Variants in CSMD1 observed in about 807,000 individuals in gnomAD.
The protein encoded by CSMD1 is CUB and Sushi multiple domains 1.
In CSMD1, 213 loss-of-function variants were observed where a neutral mutation model predicts 417.5. The ratio of observed to expected loss-of-function variants is 0.51; its 90% CI spans 0.46 to 0.57. The LOEUF is 0.57. Ranked by LOEUF, CSMD1 falls within the 20% of genes least tolerant of loss-of-function variation. CSMD1 has a pLI of 0.00. For synonymous variants in CSMD1, 2,862 were observed against 1,736.8 expected (o/e 1.65, Z -16.11); for missense variants, 6,923 against 4,529.7 (o/e 1.53, Z -15.17).
chr8:2,980,839 C>G (rs1357591614), intron 54 of CSMD1, among the ~76,000 whole-genome samples: 1 of 152,194 alleles, frequency 6.6e-6, no homozygotes, highest in African/African-American at 2.4e-5. Flanking sequence ...AAATGCTAAG[C>G]CCTAAGTTCC....
intron 1 of CSMD1, among the ~76,000 whole-genome samples, chr8:4,714,996 T>C (rs1473897186): frequency 6.6e-6 from 1 of 152,218 alleles, no homozygotes; most frequent in African/African-American, 2.4e-5. Context: ...TGCTCACAGA[T>C]GGCAATAATT....
intron 7 of CSMD1, among the ~76,000 whole-genome samples, chr8:3,636,842 G>A (rs184769205): frequency 2.8e-4 from 42 of 152,244 alleles, no homozygotes; most frequent in African/African-American, 7.7e-4. Context: ...GAGTTTAAAT[G>A]TCCCTTCCAA....
intron 26 of CSMD1, 42 bp downstream of exon 26, chr8:3,284,102 C>G (rs147799365): frequency 8.3e-6 from 12 of 1,437,618 alleles, no homozygotes; most frequent in East Asian, 2.5e-5. Flanking sequence ...CATGACAAGA[C>G]TTTGATATCA....
chr8:3,341,791 TTTTC>T (rs1807674621), intron 23 of CSMD1, among the ~76,000 whole-genome samples: 1 of 152,204 alleles, frequency 6.6e-6, no homozygotes, highest in Admixed American at 6.5e-5. Flanking sequence ...ACCCACAGGC[TTTTC>T]AAACAGTTTT....
intron 7 of CSMD1, among the ~76,000 whole-genome samples, chr8:3,627,106 T>C (rs942006323): frequency 4.6e-5 from 7 of 152,268 alleles, no homozygotes; most frequent in African/African-American, 1.7e-4. Context: ...GTAATTAACC[T>C]ATCAATAACT....
At chr8:2,967,685 G>A (rs1323447130) in intron 57 of CSMD1, among the ~76,000 whole-genome samples, 3 of 152,140 alleles carry the variant, frequency 2.0e-5, no homozygotes, top group Non-Finnish European at 4.4e-5. Flanking sequence ...CTGCCTCTGA[G>A]CTGATCAAAA....
chr8:4,167,890 G>A (rs971115918), intron 3 of CSMD1, among the ~76,000 whole-genome samples: 1 of 152,102 alleles, frequency 6.6e-6, no homozygotes, highest in Non-Finnish European at 1.5e-5. Context: ...CACTTTGGGA[G>A]GCTGAGGCAG....
chr8:3,464,789 T>A (rs980779108), intron 12 of CSMD1, among the ~76,000 whole-genome samples: 1 of 152,120 alleles, frequency 6.6e-6, no homozygotes, highest in Non-Finnish European at 1.5e-5. Context: ...GCATTTGGGC[T>A]TTTGAACAGA....
chr8:4,849,599 T>G (rs567720743), intron 1 of CSMD1, among the ~76,000 whole-genome samples: 1 of 152,242 alleles, frequency 6.6e-6, no homozygotes, highest in African/African-American at 2.4e-5. Flanking sequence ...TACCATAATT[T>G]TAGTGACCTT....
chr8:2,948,151 G>T (rs920574548), intron 68 of CSMD1, among the ~76,000 whole-genome samples: 1 of 151,978 alleles, frequency 6.6e-6, no homozygotes, highest in African/African-American at 2.4e-5. Context: ...ATGGTGCCAA[G>T]GTTGTTACAA....
chr8:4,062,912 T>C (rs1304761197), intron 3 of CSMD1, among the ~76,000 whole-genome samples: 2 of 94,638 alleles, frequency 2.1e-5, no homozygotes, highest in South Asian at 3.6e-4. Flanking sequence ...TTACTGATCA[T>C]TGCAAAAAAA....
chr8:4,346,015 G>A (rs781601129), intron 3 of CSMD1, among the ~76,000 whole-genome samples: 7 of 151,992 alleles, frequency 4.6e-5, no homozygotes, highest in Admixed American at 6.6e-5. Context: ...ATAAAATAAC[G>A]GAATATTACA....
At chr8:3,223,392 A>G (rs751559921) in intron 28 of CSMD1, among the ~76,000 whole-genome samples, 5 of 152,202 alleles carry the variant, frequency 3.3e-5, no homozygotes, top group Non-Finnish European at 7.3e-5. Context: ...ATTTAGAGTG[A>G]TAGGAGACAT....
chr8:3,193,539 C>G (rs1055393957), intron 33 of CSMD1, among the ~76,000 whole-genome samples: 6 of 151,828 alleles, frequency 4.0e-5, no homozygotes, highest in Admixed American at 2.0e-4. Context: ...GGCCCTTCAC[C>G]TGGACATTTC....
At chr8:4,392,744 C>G (rs148089249) in intron 3 of CSMD1, among the ~76,000 whole-genome samples, 1 of 151,010 alleles carries the variant, frequency 6.6e-6, no homozygotes, top group Non-Finnish European at 1.5e-5. Flanking sequence ...CTGAGGCGGG[C>G]GGATCACGAG....
At chr8:4,080,802 G>T (rs1039712988) in intron 3 of CSMD1, among the ~76,000 whole-genome samples, 2 of 152,104 alleles carry the variant, frequency 1.3e-5, no homozygotes, top group Non-Finnish European at 2.9e-5. Flanking sequence ...CTAAGTATTT[G>T]ATCAGATAGC....
chr8:4,969,532 G>C (rs893318735), intron 1 of CSMD1, among the ~76,000 whole-genome samples: 1 of 151,436 alleles, frequency 6.6e-6, no homozygotes, highest in African/African-American at 2.4e-5. Context: ...AGACAGGCCA[G>C]TGTCTAGGAA....
chr8:4,143,996 G>C (rs1465240240), intron 3 of CSMD1, among the ~76,000 whole-genome samples: 2 of 151,364 alleles, frequency 1.3e-5, no homozygotes. Flanking sequence ...TTCCATCTGA[G>C]ACACGGTGGA....
intron 1 of CSMD1, among the ~76,000 whole-genome samples, chr8:4,954,511 C>T (rs1483580839): frequency 6.6e-6 from 1 of 152,060 alleles, no homozygotes; most frequent in Non-Finnish European, 1.5e-5. Flanking sequence ...AGATGCATTC[C>T]ACCTCAATTC....
Sources: gnomAD v4.1 joint callset for allele counts (sites outside exome capture counted in the v4.1 genomes callset) on GRCh38, gnomAD v4.1.1 for gene constraint, MANE v1.5 for transcripts, NCBI Gene and HGNC (gene_info 2026-07-23, HGNC 2026-07-21) for gene names.